LAMTOR3: variants seen among roughly 807,000 people sequenced by gnomAD.
LAMTOR3 encodes ragulator complex protein LAMTOR3.
LAMTOR3 carries 14 observed loss-of-function variants against 20.3 expected under a neutral mutation model. The observed-to-expected ratio is 0.69, with a 90% CI of 0.46 to 1.08. The LOEUF (loss-of-function observed/expected upper bound fraction) is 1.08. Ranked by LOEUF, LAMTOR3 falls within the 50% of genes least tolerant of loss-of-function variation. LAMTOR3 has a pLI of 0.00. For missense variants in LAMTOR3, 125 were observed against 143.7 expected (o/e 0.87, Z 0.67); for synonymous variants, 40 against 49.4 (o/e 0.81, Z 0.80).
At chr4:99,893,534 A>G (rs961692960) in intron 2 of LAMTOR3, among the ~76,000 whole-genome samples, 9 of 152,170 alleles carry the variant, frequency 5.9e-5, no homozygotes, top group African/African-American at 2.2e-4. Context: ...ATCATCGTAA[A>G]TTGCTACAAT....
rs969864241 is a variant in LAMTOR3, at chr4:99,880,808, T to C, written c.*1186A>G. The stretch of plus-strand genomic sequence containing the variant: ...GGTGCTCAATGCATATGTACTGAAC[T>C]GATCCAGGGAAAAACTGATTGTCAA... On this transcript the variant is annotated 3_prime_UTR_variant, in exon 7 of 7. Transcript: ENST00000499666. 2.6e-5 allele frequency: 4 copies of C among 152,266 alleles called. No homozygotes were observed. Among genetic ancestry groups the C allele is most frequent in the African/African-American group, 9.6e-5 (4 of 41,454 alleles). The allele number at this position is 152,266 out of a possible 1,614,324, so 9.4% of individuals were successfully genotyped here.
chr4:99,893,681 G>A (rs1725067290), intron 2 of LAMTOR3, among the ~76,000 whole-genome samples: 1 of 152,170 alleles, frequency 6.6e-6, no homozygotes, highest in African/African-American at 2.4e-5. Flanking sequence ...CCTCTCTTAT[G>A]CCCCAGCTGG....
rs1183709594 is a variant in LAMTOR3, at chr4:99,879,859, T to C, written c.*2135A>G. ...TACTATACACCTAGGCTATATGGTA[T>C]AGCCTACTACTACACACCTAGGCTA... is the stretch of plus-strand genomic sequence containing the variant. On this transcript the variant is annotated 3_prime_UTR_variant, in exon 7 of 7. Coordinates refer to ENST00000499666, the MANE Select transcript of LAMTOR3 (RefSeq NM_021970.4). The C allele has an allele frequency of 1.3e-5, 2 of 151,510 alleles. No individual in the cohort carries two copies. Among genetic ancestry groups the C allele is most frequent in the Non-Finnish European group, 2.9e-5 (2 of 67,842 alleles). 9.4% of individuals were successfully genotyped at this position (151,510 alleles called of 1,614,324 possible).
chr4:99,893,249 A>T (rs1253373149), intron 2 of LAMTOR3, among the ~76,000 whole-genome samples: 6 of 151,208 alleles, frequency 4.0e-5, no homozygotes. Flanking sequence ...CCCGGCCTCA[A>T]GTGATCCTTC....
chr4:99,879,782 T>G lies in LAMTOR3; in HGVS notation c.*2212A>C, dbSNP rs1724786434. 6.6e-6 allele frequency: 1 copy of G among 151,742 alleles called. No individual in the cohort carries two copies. The highest frequency in any genetic ancestry group is 2.1e-4 in the South Asian group (1 of 4,802). The allele number at this position is 151,742 out of a possible 1,614,324, so 9.4% of individuals were successfully genotyped here. On this transcript the variant is annotated 3_prime_UTR_variant, in exon 7 of 7. Transcript: ENST00000499666. ...ATGGTATAGCCTACTACTACATACC[T>G]AGGCTATATGGTATAGCCTACTACA...
chr4:99,894,201 C>T, intron 1 of LAMTOR3, 134 bp downstream of exon 1: 1 of 396,488 alleles, frequency 2.5e-6, no homozygotes. Context: ...CTCAGCCCAC[C>T]CCATCCCTGC....
rs1316365772 is a variant in LAMTOR3, at chr4:99,887,340, T to C, written c.59A>G (p.His20Arg). The C allele has an allele frequency of 3.3e-6, 5 of 1,535,814 alleles. No individual in the cohort carries two copies. The highest frequency in any genetic ancestry group is 4.4e-6 in the Non-Finnish European group (5 of 1,133,476). Residue 20 changes from histidine (H) to arginine (R), a missense_variant, in exon 4 of 7, where the codon CAT becomes CGT. This residue lies in a region of LAMTOR3 where 99 missense variants were observed against 96.0 expected (regional missense o/e 1.03). Transcript: ENST00000499666. The part of the protein sequence containing the change: ...YKKLPSVEGL[H>R]AIVVSDRDGV... ...ATCTCTATCTGACACAACAATGGCA[T>C]GGAGCCCTTCAACACTAGAAAAAGA...
At chr4:99,894,252 G>C (rs1191473520) in intron 1 of LAMTOR3, 83 bp downstream of exon 1, 2 of 365,532 alleles carry the variant, frequency 5.5e-6, no homozygotes, top group Non-Finnish European at 9.8e-6. Flanking sequence ...AAAGAAGAGA[G>C]GGTCCTCTCC....
intron 6 of LAMTOR3, 103 bp downstream of exon 6, chr4:99,883,959 T>C (rs1192802380): frequency 2.5e-6 from 2 of 785,360 alleles, no homozygotes; most frequent in Non-Finnish European, 4.1e-6. Flanking sequence ...AAGTTCAAGA[T>C]TTTTGGCTCT....
intron 3 of LAMTOR3, among the ~76,000 whole-genome samples, chr4:99,890,827 T>TTC (rs980945031): frequency 6.6e-6 from 1 of 152,186 alleles, no homozygotes; most frequent in Non-Finnish European, 1.5e-5. Flanking sequence ...TTGATCAACA[T>TTC]TAGAACTACT....
intron 3 of LAMTOR3, among the ~76,000 whole-genome samples, chr4:99,888,762 A>G (rs746744363): frequency 6.6e-5 from 10 of 152,238 alleles, no homozygotes; most frequent in Non-Finnish European, 1.5e-4. Flanking sequence ...AAATGTTACA[A>G]ACAAAATCAT....
chr4:99,887,076 A>T (rs1336463492), intron 4 of LAMTOR3, among the ~76,000 whole-genome samples: 1 of 152,196 alleles, frequency 6.6e-6, no homozygotes, highest in Non-Finnish European at 1.5e-5. Context: ...ATCCATGCTT[A>T]AACTCTAGAT....
chr4:99,892,063 G>C (rs552483449), intron 2 of LAMTOR3, 29 bp from the exon 3 acceptor site: 1 of 1,553,226 alleles, frequency 6.4e-7, no homozygotes, highest in East Asian at 2.4e-5. Flanking sequence ...AAATAATGTT[G>C]TAATAATAGG....
rs1309069198 is a variant in LAMTOR3 at position 99,882,076 on chromosome 4, A to G, written c.302-9T>C. The stretch of plus-strand genomic sequence containing the variant: ...TAGGCTGACAATTAGTCCTAAAATA[A>G]AGAGATTAAGAAAATTACATGTTAG... On this transcript the variant is annotated splice_polypyrimidine_tract_variant and intron_variant, in intron 6 of 6. Coordinates refer to ENST00000499666, the MANE Select transcript of LAMTOR3 (RefSeq NM_021970.4). 1 of 1,531,192 alleles carries G rather than the reference A, an allele frequency of 6.5e-7. No individual in the cohort carries two copies. 94.9% of individuals were successfully genotyped at this position (1,531,192 alleles called of 1,614,324 possible). A position where few individuals can be genotyped will look rare whatever the true frequency, so the allele number is the denominator to read the frequency against.
Position 99,888,406 on chromosome 4 carries a change from G to A in LAMTOR3, c.45-1052C>T, listed in dbSNP as rs187847148. 2.6e-5 allele frequency among the ~76,000 whole-genome samples: 4 copies of A among 152,164 alleles called. No individual in the cohort carries two copies. In the East Asian group the frequency reaches 7.7e-4, roughly 29 times the overall value. On this transcript the variant is annotated intron_variant, in intron 3 of 6. Transcript: ENST00000499666. ...ACTAAGTTATCAGTGAGAATCCCTG[G>A]GAAATTAGCAATTAAGAAACATATG...
At chr4:99,889,022 T>G (rs538229031) in intron 3 of LAMTOR3, among the ~76,000 whole-genome samples, 1 of 152,166 alleles carries the variant, frequency 6.6e-6, no homozygotes, top group African/African-American at 2.4e-5. Flanking sequence ...CTGGCCAACA[T>G]GATGAAACCC....
chr4:99,880,720 G>A lies in LAMTOR3; in HGVS notation c.*1274C>T, dbSNP rs1031599040. ...GGCAACTCCCAGAGCATAGAAATATGATGAGACATGAATGGTGCTTCTTAG... is the reference window on the plus strand; with the variant it reads ...GGCAACTCCCAGAGCATAGAAATATAATGAGACATGAATGGTGCTTCTTAG... On this transcript the variant is annotated 3_prime_UTR_variant, in exon 7 of 7. Coordinates refer to ENST00000499666, the MANE Select transcript of LAMTOR3 (RefSeq NM_021970.4). 21 of 152,228 alleles carry A rather than the reference G, an allele frequency of 1.4e-4. No individual in the cohort carries two copies. The highest frequency in any genetic ancestry group is 5.1e-4 in the African/African-American group (21 of 41,454). 9.4% of individuals were successfully genotyped at this position (152,228 alleles called of 1,614,324 possible).
intron 2 of LAMTOR3, 38 bp from the exon 3 acceptor site, chr4:99,892,072 G>T: frequency 6.5e-7 from 1 of 1,539,846 alleles, no homozygotes; most frequent in Non-Finnish European, 8.7e-7. Flanking sequence ...TGTAATAATA[G>T]GCCTTCCACT....
chr4:99,891,397 C>T (rs1230063384), intron 3 of LAMTOR3, among the ~76,000 whole-genome samples: 4 of 152,166 alleles, frequency 2.6e-5, no homozygotes, highest in Non-Finnish European at 5.9e-5. Flanking sequence ...TCAATAACTA[C>T]GTAAAGTATA....
Sources: allele counts gnomAD v4.1 joint callset (sites outside exome capture counted in the v4.1 genomes callset), GRCh38; gene constraint gnomAD v4.1.1; regional missense constraint gnomAD v4.1.1; transcripts MANE v1.5; gene names NCBI Gene and HGNC (gene_info 2026-07-23, HGNC 2026-07-21).